NEDD4L: variants seen among roughly 807,000 people sequenced by gnomAD.
NEDD4L encodes E3 ubiquitin-protein ligase NEDD4-like.
In NEDD4L, 54 loss-of-function variants were observed where a neutral mutation model predicts 148.9. That is an observed-to-expected ratio of 0.36 (90% confidence interval 0.29 to 0.45). The LOEUF (loss-of-function observed/expected upper bound fraction) is 0.45. Ranked by LOEUF, NEDD4L falls within the 20% of genes least tolerant of loss-of-function variation. The pLI, the probability that NEDD4L is intolerant of heterozygous loss-of-function variation, is 1.00. For synonymous variants in NEDD4L, 433 were observed against 440.7 expected (o/e 0.98, Z 0.22); for missense variants, 856 against 1,233.8 (o/e 0.69, Z 4.59).
intron 1 of NEDD4L, among the ~76,000 whole-genome samples, chr18:58,052,694 G>A (rs1386731638): frequency 6.6e-6 from 1 of 150,990 alleles, no homozygotes. Context: ...GGCCACCCAT[G>A]GTGGCTCATG....
intron 1 of NEDD4L, among the ~76,000 whole-genome samples, chr18:58,082,102 A>ATATATATATATTT: frequency 1.2e-4 from 6 of 48,826 alleles, no homozygotes; most frequent in African/African-American, 2.6e-4. Flanking sequence ...ATATATATAT[A>ATATATATATATTT]TTTTTTTTTT....
intron 24 of NEDD4L, among the ~76,000 whole-genome samples, chr18:58,381,876 C>T (rs769284296): frequency 1.3e-5 from 2 of 152,150 alleles, no homozygotes; most frequent in Non-Finnish European, 2.9e-5. Flanking sequence ...ATCCCCAACA[C>T]GGCCTGTACG....
chr18:58,218,799 G>T (rs1568411638), intron 2 of NEDD4L, among the ~76,000 whole-genome samples: 1 of 152,146 alleles, frequency 6.6e-6, no homozygotes, highest in African/African-American at 2.4e-5. Flanking sequence ...CCCGATATGT[G>T]CATCCTTGTC....
chr18:58,176,616 C>T (rs533739391), intron 2 of NEDD4L, among the ~76,000 whole-genome samples: 8 of 152,326 alleles, frequency 5.3e-5, no homozygotes, highest in African/African-American at 1.4e-4. Context: ...ATTACAGGTG[C>T]AAACCACTGT....
chr18:58,047,340 C>T (rs1021215645), intron 1 of NEDD4L: 17 of 984,744 alleles, frequency 1.7e-5, no homozygotes, highest in Non-Finnish European at 1.9e-5. Context: ...TGTTGAAAAG[C>T]ATGGTATGTT....
intron 5 of NEDD4L, among the ~76,000 whole-genome samples, chr18:58,294,388 C>T (rs965266086): frequency 1.2e-4 from 19 of 152,188 alleles, no homozygotes; most frequent in Non-Finnish European, 4.4e-5. Context: ...GAGACTCTCA[C>T]TGAATGGCTC....
intron 2 of NEDD4L, among the ~76,000 whole-genome samples, chr18:58,205,967 T>G (rs1384639863): frequency 6.6e-6 from 1 of 152,188 alleles, no homozygotes; most frequent in Non-Finnish European, 1.5e-5. Context: ...GCTTAGCTGA[T>G]GAGATCCAGT....
chr18:58,295,073 A>G (rs2055361459), intron 5 of NEDD4L, among the ~76,000 whole-genome samples: 1 of 152,078 alleles, frequency 6.6e-6, no homozygotes, highest in Non-Finnish European at 1.5e-5. Flanking sequence ...CCCCCACCAG[A>G]GTGGTATGTT....
intron 1 of NEDD4L, among the ~76,000 whole-genome samples, chr18:58,131,120 G>T (rs1427778840): frequency 2.0e-5 from 3 of 148,930 alleles, no homozygotes; most frequent in Non-Finnish European, 4.4e-5. Flanking sequence ...AACTGTGGCA[G>T]TGTTGGGCTC....
intron 5 of NEDD4L, among the ~76,000 whole-genome samples, chr18:58,264,325 A>C (rs1446409900): frequency 6.6e-6 from 1 of 152,090 alleles, no homozygotes; most frequent in Non-Finnish European, 1.5e-5. Context: ...TATTAGCAAG[A>C]GAAGCTCCTG....
chr18:58,331,711 G>A (rs907772925), intron 11 of NEDD4L, among the ~76,000 whole-genome samples: 1 of 152,076 alleles, frequency 6.6e-6, no homozygotes, highest in South Asian at 2.1e-4. Context: ...ATGTACAATA[G>A]TAAATGATGA....
chr18:58,391,432 G>A, intron 29 of NEDD4L, 55 bp from the exon 30 acceptor site: 6 of 1,415,162 alleles, frequency 4.2e-6, no homozygotes, highest in Non-Finnish European at 4.9e-6. Flanking sequence ...CCACACCATA[G>A]CTTCATTCTT....
At chr18:58,142,691 C>G (rs2033680562) in intron 1 of NEDD4L, among the ~76,000 whole-genome samples, 1 of 152,188 alleles carries the variant, frequency 6.6e-6, no homozygotes, top group Admixed American at 6.5e-5. Flanking sequence ...GGAGATCTCT[C>G]TATTTACCAT....
chr18:58,251,243 AG>A (rs1412024928), intron 4 of NEDD4L, among the ~76,000 whole-genome samples: 2 of 152,214 alleles, frequency 1.3e-5, no homozygotes, highest in African/African-American at 4.8e-5. Context: ...GTAAGTGCAC[AG>A]GCTGGGCACA....
intron 30 of NEDD4L, among the ~76,000 whole-genome samples, chr18:58,394,372 C>T (rs1256195097): frequency 6.6e-6 from 1 of 152,230 alleles, no homozygotes; most frequent in Non-Finnish European, 1.5e-5. Flanking sequence ...CTTCATCATG[C>T]CAGTGTTTCT....
At chr18:58,089,328 T>A (rs752424104) in intron 1 of NEDD4L, among the ~76,000 whole-genome samples, 1 of 152,046 alleles carries the variant, frequency 6.6e-6, no homozygotes, top group African/African-American at 2.4e-5. Flanking sequence ...AGAGATGGGC[T>A]TTCACCATAT....
At chr18:58,285,124 C>T (rs1455706446) in intron 5 of NEDD4L, among the ~76,000 whole-genome samples, 2 of 152,176 alleles carry the variant, frequency 1.3e-5, no homozygotes, top group Non-Finnish European at 2.9e-5. Flanking sequence ...AAATAGTTGC[C>T]AAGTTACATG....
chr18:58,363,014 A>C (rs1315962951), intron 19 of NEDD4L, among the ~76,000 whole-genome samples: 1 of 152,238 alleles, frequency 6.6e-6, no homozygotes, highest in African/African-American at 2.4e-5. Context: ...GTGGAAAATC[A>C]AAGAAGACTG....
At chr18:58,229,997 AAAAC>A (rs761343373) in intron 2 of NEDD4L, among the ~76,000 whole-genome samples, 7 of 152,292 alleles carry the variant, frequency 4.6e-5, no homozygotes, top group African/African-American at 7.2e-5. Flanking sequence ...TCAAAAAAAC[AAAAC>A]AAACAAACAA....
Sources: gnomAD v4.1 joint callset for allele counts (sites outside exome capture counted in the v4.1 genomes callset) on GRCh38, gnomAD v4.1.1 for gene constraint, MANE v1.5 for transcripts, NCBI Gene and HGNC (gene_info 2026-07-23, HGNC 2026-07-21) for gene names.